Variants in KMT5B observed in about 807,000 individuals in gnomAD.
KMT5B encodes lysine methyltransferase 5B, also known as histone-lysine N-methyltransferase KMT5B.
KMT5B carries 10 observed loss-of-function variants against 83.2 expected under a neutral mutation model. The observed-to-expected ratio is 0.12, with a 90% confidence interval of 0.07 to 0.20. The LOEUF is 0.20. KMT5B is among the 10% of genes least tolerant of loss of function. The pLI, the probability that KMT5B is intolerant of heterozygous loss-of-function variation, is 1.00. For missense variants in KMT5B, 753 were observed against 1,067.2 expected (o/e 0.71, Z 4.10); for synonymous variants, 349 against 388.8 (o/e 0.90, Z 1.20).
Position 68,190,016 on chromosome 11 carries a change from A to G in KMT5B, c.61T>C (p.Leu21=), listed in dbSNP as rs777269117. ...VVNGRRNGGK[L]SNDHQQNQSK... ...TGATTCTGCTGATGGTCATTAGACAACTTGCCTCCATTTCTCCTGCCATTC... is the reference window on the plus strand; with the variant it reads ...TGATTCTGCTGATGGTCATTAGACAGCTTGCCTCCATTTCTCCTGCCATTC... The change falls in exon 2 of 11, where the codon TTG becomes CTG. Residue 21 remains leucine, a synonymous_variant. Coordinates refer to ENST00000304363, the MANE Select transcript of KMT5B (RefSeq NM_017635.5). The G allele has an allele frequency of 9.9e-6, 16 of 1,614,178 alleles. No individual in the cohort carries two copies. The highest frequency in any genetic ancestry group is 1.4e-5 in the Non-Finnish European group (16 of 1,180,004).
At chr11:68,209,093 T>G (rs542757933) in intron 1 of KMT5B, among the ~76,000 whole-genome samples, 65 of 152,294 alleles carry the variant, frequency 4.3e-4, no homozygotes, top group Admixed American at 1.0e-3. Context: ...CAGATTGGTT[T>G]TCTTACTAAA....
intron 10 of KMT5B, among the ~76,000 whole-genome samples, chr11:68,159,927 C>T (rs1267855862): frequency 6.6e-6 from 1 of 152,178 alleles, no homozygotes; most frequent in Non-Finnish European, 1.5e-5. Context: ...TAGAATTGTA[C>T]ACTCTCAGGA....
intron 1 of KMT5B, among the ~76,000 whole-genome samples, chr11:68,196,982 C>CT (rs1162604419): frequency 7.1e-6 from 1 of 141,318 alleles, no homozygotes; most frequent in Non-Finnish European, 1.5e-5. Flanking sequence ...TTTTTTTTTT[C>CT]TTTTTTTGAG....
intron 5 of KMT5B, among the ~76,000 whole-genome samples, chr11:68,174,661 C>T (rs1238689563): frequency 2.6e-5 from 4 of 152,096 alleles, no homozygotes; most frequent in Admixed American, 6.5e-5. Flanking sequence ...CCTGAGTAGC[C>T]GGAACTACAA....
At chr11:68,211,218 T>C (rs1860850577) in intron 1 of KMT5B, among the ~76,000 whole-genome samples, 1 of 152,062 alleles carries the variant, frequency 6.6e-6, no homozygotes, top group Admixed American at 6.5e-5. Flanking sequence ...TTCACACGCG[T>C]CTCTCCCTGT....
In KMT5B at chr11:68,171,845, A is replaced by C; in HGVS notation, c.654-136T>G. ...TCTATACTTTAGTTAGCTCACTGGG[A>C]TCCCCACCTGGCTATCTTCTCTCCT... On this transcript the variant is annotated intron_variant, in intron 6 of 10. Coordinates refer to ENST00000304363, the MANE Select transcript of KMT5B (RefSeq NM_017635.5). The surrounding 1 kb of genome is among the most constrained non-coding windows in gnomAD (Gnocchi z 5.1). 1.4e-6 allele frequency: 1 copy of C among 692,324 alleles called. No homozygotes were observed. The highest frequency in any genetic ancestry group is 2.0e-5 in the South Asian group (1 of 49,274). 42.9% of individuals were successfully genotyped at this position (692,324 alleles called of 1,614,324 possible). A position where few individuals can be genotyped will look rare whatever the true frequency, so the allele number is the denominator to read the frequency against.
In KMT5B at chr11:68,157,844, G is replaced by A. The variant is rs766537149; in HGVS notation, c.2502C>T (p.Gly834=). 14 of 1,613,784 alleles carry A rather than the reference G, an allele frequency of 8.7e-6. No homozygotes were observed. Among genetic ancestry groups the A allele is most frequent in the East Asian group, 2.2e-5 (1 of 44,890 alleles). The change falls in exon 11 of 11, where the codon GGC becomes GGT. Residue 834 remains glycine, a synonymous_variant. Coordinates refer to ENST00000304363, the MANE Select transcript of KMT5B (RefSeq NM_017635.5). ...CATCATAGTCATCCTCCTCTTCATC[G>A]CCCTCAGAAGAGGAGGAATCATCTG... The part of the protein sequence containing the change: ...ESTDDSSSSE[G]DEEEDDYDDD...
rs3832715 is a variant in KMT5B, at chr11:68,173,923, G to GA, written c.544-11dup. ...GCAAATAAATAAATACCTAAAACAG[G>GA]AAAAAAAAATTGATAATGACTTTAA... On this transcript the variant is annotated splice_polypyrimidine_tract_variant and intron_variant, in intron 5 of 10. Coordinates refer to ENST00000304363, the MANE Select transcript of KMT5B (RefSeq NM_017635.5). 0.43 allele frequency: 633,627 copies of GA among 1,458,254 alleles called. 136,057 individuals carry two copies. Among genetic ancestry groups the GA allele is most frequent in the Admixed American group, 0.64 (33,440 of 52,434 alleles). The allele number at this position is 1,458,254 out of a possible 1,614,324, so 90.3% of individuals were successfully genotyped here.
chr11:68,198,921 G>A (rs1226733782), intron 1 of KMT5B, among the ~76,000 whole-genome samples: 3 of 152,124 alleles, frequency 2.0e-5, no homozygotes, highest in Non-Finnish European at 4.4e-5. Flanking sequence ...AGTAAAGATG[G>A]GGTTTCACCG....
intron 1 of KMT5B, among the ~76,000 whole-genome samples, chr11:68,192,314 T>G (rs913959140): frequency 4.6e-5 from 7 of 152,368 alleles, no homozygotes; most frequent in Non-Finnish European, 1.0e-4. Flanking sequence ...GTCTCCACTC[T>G]TTAAAGACAA....
chr11:68,162,019 C>G (rs1444570476), intron 10 of KMT5B, among the ~76,000 whole-genome samples: 2 of 152,136 alleles, frequency 1.3e-5, no homozygotes, highest in Admixed American at 6.5e-5. Context: ...GCCCAGCTGC[C>G]AAAGCAGAAA....
intron 10 of KMT5B, chr11:68,165,607 G>A (rs1038560866): frequency 3.5e-6 from 2 of 570,896 alleles, no homozygotes; most frequent in South Asian, 7.0e-5. Flanking sequence ...ATGTAGCTGG[G>A]GCTACAGGTG....
At chr11:68,189,024 G>A (rs889979341) in intron 2 of KMT5B, among the ~76,000 whole-genome samples, 7 of 152,294 alleles carry the variant, frequency 4.6e-5, no homozygotes, top group Admixed American at 2.0e-4. Context: ...AGGGTAGCCT[G>A]GGCCCAATGA....
chr11:68,203,263 C>G (rs962739819), intron 1 of KMT5B, among the ~76,000 whole-genome samples: 1 of 152,188 alleles, frequency 6.6e-6, no homozygotes, highest in African/African-American at 2.4e-5. Context: ...CGTGAGGCAC[C>G]GCACCCGGCC....
At chr11:68,170,983 G>A in intron 9 of KMT5B, 32 bp downstream of exon 9, 1 of 1,559,646 alleles carries the variant, frequency 6.4e-7, no homozygotes, top group Non-Finnish European at 8.6e-7. Flanking sequence ...AACAAAAAAT[G>A]TTTAGGCTGA....
At chr11:68,208,859 A>G (rs1336129147) in intron 1 of KMT5B, among the ~76,000 whole-genome samples, 1 of 152,214 alleles carries the variant, frequency 6.6e-6, no homozygotes, top group Admixed American at 6.5e-5. Flanking sequence ...AAAAACAAAC[A>G]AACAAAAAAT....
Position 68,157,498 on chromosome 11 carries a change from A to T in KMT5B, c.*190T>A. The T allele has an allele frequency of 1.2e-6, 1 of 821,340 alleles. No homozygotes were observed. The highest frequency in any genetic ancestry group is 1.7e-6 in the Non-Finnish European group (1 of 603,894). 50.9% of individuals were successfully genotyped at this position (821,340 alleles called of 1,614,324 possible). ...ATTGCACGTAAGAAGGCTATTTAAA[A>T]AGTACGATAAAAATTTGCACAAATC... On this transcript the variant is annotated 3_prime_UTR_variant, in exon 11 of 11. Transcript: ENST00000304363.
intron 10 of KMT5B, 116 bp downstream of exon 10, chr11:68,166,866 A>T: frequency 6.7e-7 from 1 of 1,485,892 alleles, no homozygotes; most frequent in Non-Finnish European, 8.9e-7. Flanking sequence ...GCCAAAGCTC[A>T]CAAGTCCCAG....
At chr11:68,203,420 T>A (rs1395514193) in intron 1 of KMT5B, among the ~76,000 whole-genome samples, 1 of 152,232 alleles carries the variant, frequency 6.6e-6, no homozygotes, top group Non-Finnish European at 1.5e-5. Flanking sequence ...ACAAAAGGAC[T>A]TGACATCAAA....
Sources: allele counts gnomAD v4.1 joint callset (sites outside exome capture counted in the v4.1 genomes callset), GRCh38; gene constraint gnomAD v4.1.1; non-coding constraint Gnocchi (gnomAD v3.1); transcripts MANE v1.5; gene names NCBI Gene and HGNC (gene_info 2026-07-23, HGNC 2026-07-21).